CCDC152: variants seen among roughly 807,000 people sequenced by gnomAD.
CCDC152 encodes the protein coiled-coil domain containing 152.
CCDC152 carries 37 observed loss-of-function variants against 38.1 expected under a neutral mutation model. That is an observed-to-expected ratio of 0.97 (90% CI 0.75 to 1.28). The LOEUF (loss-of-function observed/expected upper bound fraction) is 1.28, where lower values mean the gene tolerates loss of function less well. Ranked by LOEUF, CCDC152 falls within the 50% of genes most tolerant of loss-of-function variation. CCDC152 has a pLI of 0.00. For synonymous variants in CCDC152, 83 were observed against 87.1 expected (o/e 0.95, Z 0.26); for missense variants, 259 against 292.1 (o/e 0.89, Z 0.83).
In CCDC152 at chr5:42,769,597, A is replaced by G. The variant is rs1759671074; in HGVS notation, c.194A>G (p.Glu65Gly). The G allele has an allele frequency of 2.7e-6, 4 of 1,474,678 alleles. No homozygotes were observed. In the South Asian group the frequency reaches 5.6e-5, roughly 21 times the overall value. 91.3% of individuals were successfully genotyped at this position (1,474,678 alleles called of 1,614,324 possible). Reference protein sequence around the residue: ...MQAKEVSIKEECATLHNIIKG... With the variant: ...MQAKEVSIKEGCATLHNIIKG... Reference sequence around the variant, plus strand: ...AATAAATTTATCTTTTATATTTCAGAATGTGCTACTCTTCATAATATAATA... The same window carrying G: ...AATAAATTTATCTTTTATATTTCAGGATGTGCTACTCTTCATAATATAATA... Residue 65 changes from glutamate (E) to glycine (G), a missense_variant and splice_region_variant, in exon 4 of 9, where the codon GAA (glutamate) becomes GGA (glycine). By Grantham distance (98) the Glu-to-Gly change is moderately conservative (BLOSUM62 -2). Coordinates refer to ENST00000361970, the MANE Select transcript of CCDC152 (RefSeq NM_001134848.2).
At position 42,762,727 on chromosome 5, in the gene CCDC152, A is replaced by G. The variant is rs371147257; in HGVS notation, c.193+179A>G. ...AAAGACATGTAAGATGGGTATTATT[A>G]CTCTACCTCACCAATGAAGAAACAT... On this transcript the variant is annotated intron_variant, in intron 3 of 8. Coordinates refer to ENST00000361970, the MANE Select transcript of CCDC152 (RefSeq NM_001134848.2). Among the ~76,000 whole-genome samples, 3 of 152,198 alleles carry G rather than the reference A, an allele frequency of 2.0e-5. No individual in the cohort carries two copies. In the East Asian group the frequency reaches 5.8e-4, roughly 29 times the overall value.
chr5:42,777,305 A>G (rs1182833964), intron 4 of CCDC152, among the ~76,000 whole-genome samples: 1 of 152,100 alleles, frequency 6.6e-6, no homozygotes, highest in Non-Finnish European at 1.5e-5. Context: ...TCTACCAAAA[A>G]TACAAAAATT....
intron 3 of CCDC152, among the ~76,000 whole-genome samples, chr5:42,769,137 T>A (rs1415665074): frequency 6.6e-6 from 1 of 151,740 alleles, no homozygotes; most frequent in Non-Finnish European, 1.5e-5. Flanking sequence ...TGATCCCAGC[T>A]GCTCAGGAGG....
At chr5:42,783,290 T>C (rs548298047) in intron 5 of CCDC152, among the ~76,000 whole-genome samples, 184 bp from the exon 6 acceptor site, 11 of 152,128 alleles carry the variant, frequency 7.2e-5, no homozygotes, top group African/African-American at 2.6e-4. Context: ...TAACTTTTAA[T>C]TATTAGAAAG....
intron 4 of CCDC152, among the ~76,000 whole-genome samples, chr5:42,770,176 G>A (rs1290517078): frequency 6.6e-6 from 1 of 152,140 alleles, no homozygotes; most frequent in East Asian, 1.9e-4. Context: ...ATTTTGTGCT[G>A]TTCTGACTCA....
intron 6 of CCDC152, among the ~76,000 whole-genome samples, chr5:42,789,249 TG>T (rs1326091224): frequency 6.6e-6 from 1 of 151,564 alleles, no homozygotes; most frequent in Non-Finnish European, 1.5e-5. Flanking sequence ...AGAGTCTTGC[TG>T]CCTTCATTTT....
intron 6 of CCDC152, among the ~76,000 whole-genome samples, chr5:42,785,026 G>A (rs1368802426): frequency 6.6e-6 from 1 of 152,080 alleles, no homozygotes; most frequent in Non-Finnish European, 1.5e-5. Flanking sequence ...ATAGTTTGAA[G>A]TAGGGTAACG....
rs1213392692 is a variant in CCDC152 at position 42,799,733 on chromosome 5, A to G, written c.717A>G (p.Gln239=). 3.9e-6 allele frequency: 6 copies of G among 1,551,352 alleles called. No individual in the cohort carries two copies. The highest frequency in any genetic ancestry group is 1.2e-5 in the South Asian group (1 of 83,992). ...ILRNTIRDLE[Q]RLSVGKDSHL... ...GTAATACCATTCGCGATTTAGAGCA[A>G]CGCCTTTCTGTTGGCAAAGATTCTC... The change falls in exon 9 of 9, where the codon CAA becomes CAG. Residue 239 remains glutamine (Q), a synonymous_variant. Transcript: ENST00000361970.
intron 1 of CCDC152, 71 bp from the exon 2 acceptor site, chr5:42,759,049 C>A: frequency 9.4e-7 from 1 of 1,060,694 alleles, no homozygotes; most frequent in Non-Finnish European, 1.4e-6. Flanking sequence ...AGTATTTGAG[C>A]TATGAACACT....
Position 42,801,242 on chromosome 5 carries a change from C to A in CCDC152, c.*1461C>A, listed in dbSNP as rs778453889. 1 of 1,614,046 alleles carries A rather than the reference C, an allele frequency of 6.2e-7. No homozygotes were observed. The highest frequency in any genetic ancestry group is 1.1e-5 in the South Asian group (1 of 91,076). On this transcript the variant is annotated 3_prime_UTR_variant, in exon 9 of 9. Transcript: ENST00000361970. Reference sequence around the variant, plus strand: ...GCTGATGTCCATGATTGTGATGATGCTCATGATGGTAATGAGGCGATGGAG... The same window carrying A: ...GCTGATGTCCATGATTGTGATGATGATCATGATGGTAATGAGGCGATGGAG...
chr5:42,788,441 C>T (rs1579719681), intron 6 of CCDC152, among the ~76,000 whole-genome samples: 1 of 152,002 alleles, frequency 6.6e-6, no homozygotes, highest in East Asian at 2.0e-4. Context: ...CCTTACAAAC[C>T]AGAAGAGACT....
intron 4 of CCDC152, among the ~76,000 whole-genome samples, chr5:42,772,358 G>T (rs1440003619): frequency 6.6e-6 from 1 of 152,148 alleles, no homozygotes; most frequent in East Asian, 1.9e-4. Context: ...GGAGAAAACA[G>T]AAAACTTTCT....
At chr5:42,759,085 T>A (rs902264756) in intron 1 of CCDC152, 35 bp from the exon 2 acceptor site, 2 of 1,365,472 alleles carry the variant, frequency 1.5e-6, no homozygotes, top group Non-Finnish European at 2.0e-6. Context: ...ATCTTATTTA[T>A]TTATTTAACA....
intron 2 of CCDC152, among the ~76,000 whole-genome samples, chr5:42,760,164 C>A (rs546938403): frequency 6.6e-6 from 1 of 151,936 alleles, no homozygotes. Flanking sequence ...ATTAGCCGGG[C>A]GTGGTGGCAG....
chr5:42,758,828 A>G (rs1759513110), intron 1 of CCDC152, among the ~76,000 whole-genome samples: 1 of 152,226 alleles, frequency 6.6e-6, no homozygotes, highest in African/African-American at 2.4e-5. Flanking sequence ...TTAATTAAGA[A>G]TAATTACAGT....
rs201970552 is a variant in CCDC152, at chr5:42,777,479, AG to A, written c.263-1978del. Among the ~76,000 whole-genome samples the A allele has an allele frequency of 2.1e-3, 297 of 140,102 alleles. 1 individual carries two copies. The highest frequency in any genetic ancestry group is 3.9e-3 in the Middle Eastern group (1 of 256). The allele number at this position is 140,102 out of a possible 152,430, so 91.9% of individuals were successfully genotyped here. A position where few individuals can be genotyped will look rare whatever the true frequency, so the allele number is the denominator to read the frequency against. Reference sequence around the variant, plus strand: ...CTTCATCTCAATATAAAAAAAAAAAAGAAGAAGAAGAAGATAATAAAGGAAT... The same window carrying A: ...CTTCATCTCAATATAAAAAAAAAAAAAAGAAGAAGAAGATAATAAAGGAAT... On this transcript the variant is annotated intron_variant, in intron 4 of 8. Coordinates refer to ENST00000361970, the MANE Select transcript of CCDC152 (RefSeq NM_001134848.2).
chr5:42,801,076 G>T lies in CCDC152; in HGVS notation c.*1295G>T, dbSNP rs763747257. The T allele has an allele frequency of 6.2e-7, 1 of 1,614,070 alleles. No individual in the cohort carries two copies. Among genetic ancestry groups the T allele is most frequent in the South Asian group, 1.1e-5 (1 of 91,068 alleles). On this transcript the variant is annotated 3_prime_UTR_variant, in exon 9 of 9. Transcript: ENST00000361970. Reference sequence around the variant, plus strand: ...AAATCTTGTAAATCTTCACTTGCTGGCATATCTCGGTTCTCTGGGTGACCC... The same window carrying T: ...AAATCTTGTAAATCTTCACTTGCTGTCATATCTCGGTTCTCTGGGTGACCC...
intron 6 of CCDC152, among the ~76,000 whole-genome samples, chr5:42,787,113 T>A (rs1181080310): frequency 6.6e-6 from 1 of 152,090 alleles, no homozygotes; most frequent in East Asian, 1.9e-4. Context: ...AGAAAAAATG[T>A]ATATTCTGCA....
intron 2 of CCDC152, among the ~76,000 whole-genome samples, chr5:42,760,553 G>A (rs1442114709): frequency 6.6e-6 from 1 of 152,106 alleles, no homozygotes; most frequent in Non-Finnish European, 1.5e-5. Flanking sequence ...TCCCTCCTCT[G>A]CCTTCAATAG....
Sources: gnomAD v4.1 joint callset for allele counts (sites outside exome capture counted in the v4.1 genomes callset) on GRCh38, gnomAD v4.1.1 for gene constraint, MANE v1.5 for transcripts, NCBI Gene and HGNC (gene_info 2026-07-23, HGNC 2026-07-21) for gene names.